The following CDC73 variants were observed in gnomAD, a reference collection of about 807,000 sequenced individuals.
CDC73 encodes the protein parafibromin.
CDC73 carries 21 observed loss-of-function variants against 83.7 expected under a neutral mutation model. The ratio of observed to expected loss-of-function variants is 0.25; its 90% CI spans 0.18 to 0.36. The LOEUF (loss-of-function observed/expected upper bound fraction) is 0.36, where lower values mean the gene tolerates loss of function less well. Ranked by LOEUF, CDC73 falls within the 10% of genes least tolerant of loss-of-function variation. CDC73 has a pLI of 1.00. For missense variants in CDC73, 342 were observed against 653.3 expected (o/e 0.52, Z 5.19); for synonymous variants, 224 against 212.9 (o/e 1.05, Z -0.45).
chr1:193,192,627 CG>C (rs1473891216), intron 10 of CDC73, among the ~76,000 whole-genome samples: 1 of 152,082 alleles, frequency 6.6e-6, no homozygotes, highest in Non-Finnish European at 1.5e-5. Flanking sequence ...TGCGAAGTGC[CG>C]GGGTCTGACC....
In CDC73 at chr1:193,254,005, C is replaced by A. The variant is rs998124025; in HGVS notation, c.*3293C>A. The A allele has an allele frequency of 2.7e-5, 6 of 221,974 alleles. No homozygotes were observed. Among genetic ancestry groups the A allele is most frequent in the Non-Finnish European group, 4.5e-5 (5 of 111,308 alleles). The allele number at this position is 221,974 out of a possible 1,614,324, so 13.8% of individuals were successfully genotyped here. A position where few individuals can be genotyped will look rare whatever the true frequency, so the allele number is the denominator to read the frequency against. ...ACTAGCAGTATATTTTATAATATTA[C>A]AAATACAACAATTATTTATAAAAGC... On this transcript the variant is annotated 3_prime_UTR_variant, in exon 17 of 17. Transcript: ENST00000367435.
chr1:193,147,973 T>G lies in CDC73; in HGVS notation c.828+8T>G. Reference sequence around the variant, plus strand: ...CCAAATGCAGCACCTGTGGTAAGAATGCTTTACTGCTTTACAGTAGATTTA... The same window carrying G: ...CCAAATGCAGCACCTGTGGTAAGAAGGCTTTACTGCTTTACAGTAGATTTA... On this transcript the variant is annotated splice_region_variant and intron_variant, in intron 8 of 16. Coordinates refer to ENST00000367435, the MANE Select transcript of CDC73 (RefSeq NM_024529.5). 1 of 1,548,534 alleles carries G rather than the reference T, an allele frequency of 6.5e-7. No individual in the cohort carries two copies.
At chr1:193,225,272 A>ATATATATATATATATATATATC in intron 13 of CDC73, among the ~76,000 whole-genome samples, 1 of 148,656 alleles carries the variant, frequency 6.7e-6, no homozygotes, top group Non-Finnish European at 1.5e-5. Context: ...ATATATATAT[A>ATATATATATATATATATATATC]TCCACATACT....
chr1:193,149,637 T>A (rs1676070790), intron 8 of CDC73, among the ~76,000 whole-genome samples: 1 of 152,174 alleles, frequency 6.6e-6, no homozygotes, highest in Admixed American at 6.5e-5. Context: ...TCTTGATAGG[T>A]ATTGATAAGT....
chr1:193,137,632 T>G (rs1290233870), intron 5 of CDC73, among the ~76,000 whole-genome samples: 1 of 152,192 alleles, frequency 6.6e-6, no homozygotes, highest in Non-Finnish European at 1.5e-5. Context: ...TGAAAACCTT[T>G]AAGGTTTTCC....
At chr1:193,138,267 A>C in intron 6 of CDC73, 94 bp downstream of exon 6, 1 of 865,292 alleles carries the variant, frequency 1.2e-6, no homozygotes, top group South Asian at 1.3e-5. Context: ...ATTTACATTT[A>C]CCTCTTGGAT....
chr1:193,122,303 A>T lies in CDC73; in HGVS notation c.103A>T (p.Asn35Tyr). The T allele has an allele frequency of 1.2e-5, 20 of 1,614,124 alleles. No individual in the cohort carries two copies. Among genetic ancestry groups the T allele is most frequent in the Non-Finnish European group, 1.7e-5 (20 of 1,179,996 alleles). ...CTTCGGGGAGTTCTCCTGGCCCAAG[A>T]ATGTGAAGACCAACTATGTTGTTTG... ...VIFGEFSWPK[N>Y]VKTNYVVWGT... Residue 35 changes from asparagine to tyrosine, a missense_variant, in exon 1 of 17, where the codon AAT becomes TAT. Asn to Tyr is a moderately radical substitution (Grantham distance 143). Transcript: ENST00000367435.
chr1:193,233,468 GA>G (rs1215238914), intron 14 of CDC73, among the ~76,000 whole-genome samples: 14 of 152,208 alleles, frequency 9.2e-5, no homozygotes, highest in African/African-American at 3.1e-4. Context: ...AACTGTCTTT[GA>G]AAAGTGTGTT....
At position 193,138,107 on chromosome 1, in the gene CDC73, A is replaced by T; in HGVS notation, c.446A>T (p.Asp149Val). 6.2e-7 allele frequency: 1 copy of T among 1,613,418 alleles called. No homozygotes were observed. The highest frequency in any genetic ancestry group is 8.5e-7 in the Non-Finnish European group (1 of 1,179,436). Residue 149 changes from aspartate (D) to valine (V), a missense_variant, in exon 6 of 17, where the codon GAT (aspartate) becomes GTT (valine). By Grantham distance (152) the Asp-to-Val change is radical. Coordinates refer to ENST00000367435, the MANE Select transcript of CDC73 (RefSeq NM_024529.5). ...CAGGATGAAGAGTGTGTGCGCCTTG[A>T]TAAAGAGAGATTGGCTGCCCGTTTG... ...RIEDEECVRL[D>V]KERLAARLEG...
chr1:193,226,817 G>T (rs1289767685), intron 13 of CDC73, among the ~76,000 whole-genome samples: 1 of 152,042 alleles, frequency 6.6e-6, no homozygotes, highest in African/African-American at 2.4e-5. Flanking sequence ...TGGTCTTAGG[G>T]TATTACAGGC....
At chr1:193,230,623 C>G (rs1018984629) in intron 13 of CDC73, among the ~76,000 whole-genome samples, 1 of 152,022 alleles carries the variant, frequency 6.6e-6, no homozygotes, top group Admixed American at 6.6e-5. Context: ...GAAGAAATAA[C>G]CAGTTTTCTG....
At chr1:193,154,118 A>G (rs1206006616) in intron 10 of CDC73, among the ~76,000 whole-genome samples, 1 of 152,226 alleles carries the variant, frequency 6.6e-6, no homozygotes, top group Non-Finnish European at 1.5e-5. Flanking sequence ...CATCTTGGGA[A>G]CAGAACTTGC....
chr1:193,122,446 T>G lies in CDC73; in HGVS notation c.131+115T>G, dbSNP rs1183677185. The stretch of plus-strand genomic sequence containing the variant: ...CCTGGGGATGGGATAAAACGGGTGT[T>G]CGGGGAAAAGAAAGTTTCTCTCTAG... On this transcript the variant is annotated intron_variant, in intron 1 of 16. Transcript: ENST00000367435. 9 of 1,370,638 alleles carry G rather than the reference T, an allele frequency of 6.6e-6. No homozygotes were observed. In the African/African-American group the frequency reaches 1.3e-4, roughly 20 times the overall value. The allele number at this position is 1,370,638 out of a possible 1,614,324, so 84.9% of individuals were successfully genotyped here.
chr1:193,189,387 GT>G (rs1676881767), intron 10 of CDC73, among the ~76,000 whole-genome samples: 1 of 140,404 alleles, frequency 7.1e-6, no homozygotes, highest in African/African-American at 2.6e-5. Flanking sequence ...AAGAGAAACT[GT>G]AAAAATCTTA....
chr1:193,134,715 TG>T (rs1675759268), intron 3 of CDC73, among the ~76,000 whole-genome samples: 1 of 152,098 alleles, frequency 6.6e-6, no homozygotes, highest in South Asian at 2.1e-4. Context: ...TGGAGGGTTA[TG>T]GGAGATAAGT....
intron 7 of CDC73, among the ~76,000 whole-genome samples, chr1:193,142,600 T>C (rs2103126995): frequency 6.6e-6 from 1 of 152,234 alleles, no homozygotes; most frequent in Admixed American, 6.5e-5. Flanking sequence ...TCTCCCTTTC[T>C]CTGTCCTTCC....
intron 7 of CDC73, among the ~76,000 whole-genome samples, chr1:193,146,474 GAAGCAAGC>G (rs201981048): frequency 0.015 from 2,299 of 150,918 alleles, 27 homozygotes; most frequent in South Asian, 0.034. Context: ...GCAGAAGGCA[GAAGCAAGC>G]AAGCAAGCAA....
intron 10 of CDC73, among the ~76,000 whole-genome samples, chr1:193,195,896 T>C (rs186717199): frequency 6.6e-6 from 1 of 152,324 alleles, no homozygotes; most frequent in African/African-American, 2.4e-5. Context: ...TTATATAGTC[T>C]GGATATTAAT....
At chr1:193,247,780 C>T (rs1429564995) in intron 15 of CDC73, among the ~76,000 whole-genome samples, 1 of 152,092 alleles carries the variant, frequency 6.6e-6, no homozygotes, top group Non-Finnish European at 1.5e-5. Flanking sequence ...TGATCCTGAG[C>T]AGTGCCCTAA....
Sources: gnomAD v4.1 joint callset for allele counts (sites outside exome capture counted in the v4.1 genomes callset) on GRCh38, gnomAD v4.1.1 for gene constraint, MANE v1.5 for transcripts, NCBI Gene and HGNC (gene_info 2026-07-23, HGNC 2026-07-21) for gene names.